The following ABCG8 variants were observed in gnomAD, a reference collection of about 807,000 sequenced individuals.
The protein encoded by ABCG8 is ATP binding cassette subfamily G member 8.
Under a neutral mutation model 71.3 loss-of-function variants are expected in ABCG8, and 81 were observed. The ratio of observed to expected loss-of-function variants is 1.14; its 90% CI spans 0.95 to 1.37. The LOEUF (loss-of-function observed/expected upper bound fraction) is 1.37, where lower values mean the gene tolerates loss of function less well. Ranked by LOEUF, ABCG8 falls within the 40% of genes most tolerant of loss-of-function variation. The probability of loss-of-function intolerance (pLI) is 0.00; values close to 1 mark genes in which losing one functional copy is unlikely to be tolerated. For missense variants in ABCG8, 1,119 were observed against 866.2 expected (o/e 1.29, Z -3.66); for synonymous variants, 451 against 354.7 (o/e 1.27, Z -3.05).
chr2:43,845,122 T>A (rs1018655229), intron 2 of ABCG8, among the ~76,000 whole-genome samples: 4 of 89,022 alleles, frequency 4.5e-5, no homozygotes, highest in Non-Finnish European at 8.5e-5. Context: ...ATATATATAA[T>A]TTTTTTTTTG....
In ABCG8 at chr2:43,844,550, T is replaced by C; in HGVS notation, c.107T>C (p.Leu36Pro). 5.6e-6 allele frequency: 9 copies of C among 1,614,204 alleles called. No individual in the cohort carries two copies. Among genetic ancestry groups the C allele is most frequent in the Non-Finnish European group, 7.6e-6 (9 of 1,180,028 alleles). Residue 36 changes from leucine to proline, a missense_variant, in exon 2 of 13, where the codon CTG (leucine) becomes CCG (proline). Transcript: ENST00000272286. ...TTCTCCTCTGAAAGTGACAACAGCCTGTACTTCACCTACAGTGGCCAGCCC... is the reference window on the plus strand; with the variant it reads ...TTCTCCTCTGAAAGTGACAACAGCCCGTACTTCACCTACAGTGGCCAGCCC... ...RLFSSESDNSLYFTYSGQPNT... is the reference protein window; with the variant it reads ...RLFSSESDNSPYFTYSGQPNT...
intron 3 of ABCG8, among the ~76,000 whole-genome samples, chr2:43,850,341 G>C (rs1018376461): frequency 1.3e-5 from 2 of 152,200 alleles, no homozygotes; most frequent in African/African-American, 4.8e-5. Flanking sequence ...ACAGACAGAG[G>C]CTCACCGAAA....
In ABCG8 at chr2:43,863,857, T is replaced by G. The variant is rs150879952; in HGVS notation, c.965-8119T>G. Among the ~76,000 whole-genome samples, 40 of 151,344 alleles carry G rather than the reference T, an allele frequency of 2.6e-4. No homozygotes were observed. In the East Asian group the frequency reaches 7.8e-3, roughly 29 times the overall value. ...CTCTGGATAGAACTCTCACTATCTG[T>G]CTAGGTAGAATTCTCACTCTCTGGA... On this transcript the variant is annotated intron_variant, in intron 6 of 12. Coordinates refer to ENST00000272286, the MANE Select transcript of ABCG8 (RefSeq NM_022437.3).
chr2:43,873,075 C>T (rs1669836444), intron 8 of ABCG8, among the ~76,000 whole-genome samples: 1 of 152,168 alleles, frequency 6.6e-6, no homozygotes, highest in South Asian at 2.1e-4. Context: ...TCTTCCTCGG[C>T]ATTCCAGTTA....
intron 6 of ABCG8, among the ~76,000 whole-genome samples, chr2:43,858,991 T>C (rs1312965064): frequency 7.1e-6 from 1 of 140,112 alleles, no homozygotes. Context: ...TGTCTGGCTA[T>C]AATTCTCAAA....
At chr2:43,842,512 C>T (rs1422191875) in intron 1 of ABCG8, among the ~76,000 whole-genome samples, 1 of 152,006 alleles carries the variant, frequency 6.6e-6, no homozygotes, top group African/African-American at 2.4e-5. Flanking sequence ...TCTCCCTCAA[C>T]CTCCCTCCTG....
chr2:43,874,075 CA>C lies in ABCG8; in HGVS notation c.1411+90del, dbSNP rs10709506. Reference sequence around the variant, plus strand: ...AGCTCCTGGGGAGCGGGTTTGATTTCATTGTGATTGTGATATATAAGACAAT... The same window carrying C: ...AGCTCCTGGGGAGCGGGTTTGATTTCTTGTGATTGTGATATATAAGACAAT... On this transcript the variant is annotated intron_variant, in intron 9 of 12. Coordinates refer to ENST00000272286, the MANE Select transcript of ABCG8 (RefSeq NM_022437.3). 1,192,025 of 1,395,172 alleles carry C rather than the reference CA, an allele frequency of 0.85. 510,841 individuals carry two copies. Among genetic ancestry groups the C allele is most frequent in the East Asian group, 1 (43,846 of 43,922 alleles). 86.4% of individuals were successfully genotyped at this position (1,395,172 alleles called of 1,614,324 possible).
In ABCG8 at chr2:43,874,774, T is replaced by A. The variant is rs189872861; in HGVS notation, c.1488+291T>A. Among the ~76,000 whole-genome samples, 330 of 152,308 alleles carry A rather than the reference T, an allele frequency of 2.2e-3. 1 individual carries two copies. The highest frequency in any genetic ancestry group is 3.6e-3 in the Non-Finnish European group (242 of 68,018). On this transcript the variant is annotated intron_variant, in intron 10 of 12. Transcript: ENST00000272286. The stretch of plus-strand genomic sequence containing the variant: ...ATTTTACCTTTTCAGAGCCTCACTG[T>A]GGCCCCCCAGCAGGCCAGGCAGGTG...
intron 6 of ABCG8, among the ~76,000 whole-genome samples, chr2:43,866,566 A>T (rs968108658): frequency 6.6e-5 from 10 of 152,166 alleles, no homozygotes; most frequent in Non-Finnish European, 1.0e-4. Flanking sequence ...AAAAGAAGAC[A>T]TTTATGCAGC....
At chr2:43,855,273 T>A (rs2104923566) in intron 6 of ABCG8, among the ~76,000 whole-genome samples, 1 of 152,280 alleles carries the variant, frequency 6.6e-6, no homozygotes, top group Middle Eastern at 3.4e-3. Context: ...ATTCTCACTC[T>A]CTGTATATAA....
At chr2:43,860,307 T>G (rs1255544678) in intron 6 of ABCG8, among the ~76,000 whole-genome samples, 1 of 151,154 alleles carries the variant, frequency 6.6e-6, no homozygotes, top group Admixed American at 6.6e-5. Flanking sequence ...ACTCTCACTA[T>G]CTTCCTGGAC....
chr2:43,853,831 C>T (rs1669008035), intron 6 of ABCG8, among the ~76,000 whole-genome samples: 1 of 152,190 alleles, frequency 6.6e-6, no homozygotes, highest in Non-Finnish European at 1.5e-5. Flanking sequence ...ACTCCTCGTC[C>T]AGCAGCCCAC....
At chr2:43,860,022 T>C (rs1460606441) in intron 6 of ABCG8, among the ~76,000 whole-genome samples, 1 of 151,174 alleles carries the variant, frequency 6.6e-6, no homozygotes, top group African/African-American at 2.4e-5. Flanking sequence ...AGTATCTGGA[T>C]AGAATTATCA....
chr2:43,864,161 ACTCACTCTCTGGATAGAACT>A (rs1669436767), intron 6 of ABCG8, among the ~76,000 whole-genome samples: 1 of 146,944 alleles, frequency 6.8e-6, no homozygotes. Context: ...TGGATAAAAT[ACTCACTCTCTGGATAGAACT>A]CTCACTCTCT....
intron 6 of ABCG8, among the ~76,000 whole-genome samples, chr2:43,864,648 C>A (rs555400801): frequency 6.6e-6 from 1 of 151,832 alleles, no homozygotes; most frequent in Non-Finnish European, 1.5e-5. Flanking sequence ...AGAGCTCTCA[C>A]TATCTGGATG....
intron 1 of ABCG8, among the ~76,000 whole-genome samples, chr2:43,841,567 G>T (rs1668582015): frequency 6.6e-6 from 1 of 152,190 alleles, no homozygotes; most frequent in South Asian, 2.1e-4. Flanking sequence ...TCCTCCGAAA[G>T]ATGAGCTGCC....
intron 8 of ABCG8, among the ~76,000 whole-genome samples, chr2:43,872,740 A>G (rs1277101699): frequency 6.6e-6 from 1 of 152,180 alleles, no homozygotes; most frequent in Non-Finnish European, 1.5e-5. Flanking sequence ...TGGGACCAGC[A>G]CTAACCTTCA....
In ABCG8 at chr2:43,878,007, C is replaced by A. The variant is rs536061680; in HGVS notation, c.*94C>A. 16 of 1,572,954 alleles carry A rather than the reference C, an allele frequency of 1.0e-5. No homozygotes were observed. The South Asian group carries it at 1.6e-4, about 16-fold the overall frequency. On this transcript the variant is annotated 3_prime_UTR_variant, in exon 13 of 13. Transcript: ENST00000272286. ...AGCCCCTTCCTGGGGACAGTGAGGA[C>A]AATGACCCTACAGATGCTCAGCTAC...
Position 43,852,767 on chromosome 2 carries a change from C to T in ABCG8, c.863C>T (p.Ser288Phe), listed in dbSNP as rs373586893. The change falls in exon 6 of 13, where the codon TCT (serine) becomes TTT (phenylalanine). Residue 288 changes from serine to phenylalanine, a missense_variant. By Grantham distance (155) the Ser-to-Phe change is radical. Transcript: ENST00000272286. ...TTTGATCTGGTCCTCCTGATGACGT[C>T]TGGCACCCCCATCTACTTAGGGGCG... is the stretch of plus-strand genomic sequence containing the variant. ...RLFDLVLLMT[S>F]GTPIYLGAAQ... The T allele has an allele frequency of 1.9e-5, 30 of 1,614,050 alleles. No individual in the cohort carries two copies. Among genetic ancestry groups the T allele is most frequent in the African/African-American group, 9.3e-5 (7 of 74,906 alleles).
Sources: allele counts gnomAD v4.1 joint callset (sites outside exome capture counted in the v4.1 genomes callset), GRCh38; gene constraint gnomAD v4.1.1; transcripts MANE v1.5; gene names NCBI Gene and HGNC (gene_info 2026-07-23, HGNC 2026-07-21).